SMAD2: variants seen among roughly 807,000 people sequenced by gnomAD.
The protein encoded by SMAD2 is MAD homolog 2.
In SMAD2, 8 loss-of-function variants were observed where a neutral mutation model predicts 64.4. That is an observed-to-expected ratio of 0.12 (90% CI 0.07 to 0.22). The LOEUF (loss-of-function observed/expected upper bound fraction) is 0.22, where lower values mean the gene tolerates loss of function less well. SMAD2 is among the 10% of genes least tolerant of loss of function. The probability of loss-of-function intolerance (pLI) is 1.00; values close to 1 mark genes in which losing one functional copy is unlikely to be tolerated. For synonymous variants in SMAD2, 203 were observed against 195.8 expected (o/e 1.04, Z -0.31); for missense variants, 289 against 561.2 (o/e 0.51, Z 4.90).
At position 47,838,259 on chromosome 18, in the gene SMAD2, G is replaced by A. The variant is rs1477746874; in HGVS notation, c.*3568C>T. 1 of 233,002 alleles carries A rather than the reference G, an allele frequency of 4.3e-6. No homozygotes were observed. Among genetic ancestry groups the A allele is most frequent in the East Asian group, 6.0e-5 (1 of 16,532 alleles). The allele number at this position is 233,002 out of a possible 1,614,324, so 14.4% of individuals were successfully genotyped here. ...AGACAAATCAAGCAAAACTCAATGT[G>A]GCTTAAGGTAAAAAATACAACTAGG... On this transcript the variant is annotated 3_prime_UTR_variant, in exon 11 of 11. Coordinates refer to ENST00000262160, the MANE Select transcript of SMAD2 (RefSeq NM_005901.6).
intron 6 of SMAD2, among the ~76,000 whole-genome samples, chr18:47,864,486 A>G (rs927639178): frequency 1.2e-4 from 19 of 152,208 alleles, no homozygotes; most frequent in Non-Finnish European, 2.6e-4. Context: ...TTACAATGAC[A>G]TCAAAGTGAT....
chr18:47,846,109 G>A (rs1401932600), intron 8 of SMAD2, among the ~76,000 whole-genome samples: 1 of 151,984 alleles, frequency 6.6e-6, no homozygotes, highest in Non-Finnish European at 1.5e-5. Context: ...AAAAGATTGA[G>A]TTAATTTTGA....
At chr18:47,846,984 T>C (rs1160197558) in intron 8 of SMAD2, among the ~76,000 whole-genome samples, 2 of 152,266 alleles carry the variant, frequency 1.3e-5, no homozygotes, top group African/African-American at 2.4e-5. Context: ...ACGTGGTCAT[T>C]GGGAAAACAC....
rs1491111617 is a variant in SMAD2, at chr18:47,850,206, ATT to A, written c.784+1066_784+1067del. Among the ~76,000 whole-genome samples the A allele has an allele frequency of 8.5e-5, 8 of 93,852 alleles. 1 individual carries two copies. The highest frequency in any genetic ancestry group is 3.4e-4 in the African/African-American group (8 of 23,880). The allele number at this position is 93,852 out of a possible 152,430, so 61.6% of individuals were successfully genotyped here. ...TATATATTATATATAGTATATATAT[ATT>A]ATTATATATATGTATAATATATATT... On this transcript the variant is annotated intron_variant, in intron 7 of 10. Transcript: ENST00000262160.
At chr18:47,850,151 C>T (rs1914965420) in intron 7 of SMAD2, among the ~76,000 whole-genome samples, 1 of 119,762 alleles carries the variant, frequency 8.3e-6, no homozygotes, top group South Asian at 2.4e-4. Context: ...TACACATACA[C>T]ATTTGTACAT....
intron 2 of SMAD2, 38 bp from the exon 3 acceptor site, chr18:47,870,602 A>G: frequency 8.1e-7 from 1 of 1,234,106 alleles, no homozygotes; most frequent in South Asian, 1.2e-5. Context: ...TGATGTGAAC[A>G]TGGAAGCATG....
chr18:47,840,335 GT>G lies in SMAD2; in HGVS notation c.*1491del, dbSNP rs939768218. On this transcript the variant is annotated 3_prime_UTR_variant, in exon 11 of 11. Coordinates refer to ENST00000262160, the MANE Select transcript of SMAD2 (RefSeq NM_005901.6). ...TACTAAGATGCAAACAAGAAGAAAT[GT>G]TTAAACTGCAATGAGTCAACATCAG... The G allele has an allele frequency of 1.3e-5, 3 of 232,732 alleles. No individual in the cohort carries two copies. Among genetic ancestry groups the G allele is most frequent in the Admixed American group, 5.6e-5 (1 of 17,776 alleles). 14.4% of individuals were successfully genotyped at this position (232,732 alleles called of 1,614,324 possible).
In SMAD2 at chr18:47,829,674, T is replaced by C. The variant is rs1173218886; in HGVS notation, c.*12153A>G. 1 of 152,202 alleles carries C rather than the reference T, an allele frequency of 6.6e-6. No individual in the cohort carries two copies. Among genetic ancestry groups the C allele is most frequent in the Non-Finnish European group, 1.5e-5 (1 of 68,036 alleles). The allele number at this position is 152,202 out of a possible 1,614,324, so 9.4% of individuals were successfully genotyped here. On this transcript the variant is annotated 3_prime_UTR_variant, in exon 11 of 11. Coordinates refer to ENST00000262160, the MANE Select transcript of SMAD2 (RefSeq NM_005901.6). The stretch of plus-strand genomic sequence containing the variant: ...AACGGGAAGCAGTGCATAGGCAGTA[T>C]GAAGTAGACACTTTGGCAAATAAAA...
rs2033898874 is a variant in SMAD2 at position 47,906,237 on chromosome 18, C to CA, written c.-53-9429dup. ...TTCTTGAGTACCAACATGACACCCC[C>CA]AAAAAAACGGTCATTGTACTATACA... On this transcript the variant is annotated intron_variant, in intron 1 of 10. Transcript: ENST00000262160. Among the ~76,000 whole-genome samples, 5 of 151,756 alleles carry CA rather than the reference C, an allele frequency of 3.3e-5. No individual in the cohort carries two copies. The South Asian group carries it at 1.0e-3, about 32-fold the overall frequency.
rs1211589206 is a variant in SMAD2, at chr18:47,853,282, G to C, written c.731-1955C>G. On this transcript the variant is annotated intron_variant, in intron 6 of 10. Coordinates refer to ENST00000262160, the MANE Select transcript of SMAD2 (RefSeq NM_005901.6). ...CCCTGGTCGTGTAGCAGTGAAAGTG[G>C]TTTGGTTTAGACGTCCGGGAATTGC... The C allele has an allele frequency of 1.8e-5, 4 of 224,122 alleles. 1 individual carries two copies. The highest frequency in any genetic ancestry group is 3.3e-5 in the African/African-American group (1 of 30,334). 13.9% of individuals were successfully genotyped at this position (224,122 alleles called of 1,614,324 possible).
chr18:47,889,143 G>C (rs8083042), intron 2 of SMAD2, among the ~76,000 whole-genome samples: 1,866 of 152,264 alleles, frequency 0.012, 36 homozygotes, highest in African/African-American at 0.043. Flanking sequence ...CAACAGAACT[G>C]TAAGAGACGT....
intron 10 of SMAD2, 68 bp from the exon 11 acceptor site, chr18:47,842,018 T>G: frequency 6.6e-7 from 1 of 1,520,558 alleles, no homozygotes; most frequent in African/African-American, 1.4e-5. Context: ...TGGCTATGTT[T>G]AGGTACACTG....
Position 47,839,743 on chromosome 18 carries a change from A to C in SMAD2, c.*2084T>G, listed in dbSNP as rs1044579627. 1.3e-5 allele frequency: 3 copies of C among 233,198 alleles called. No homozygotes were observed. Among genetic ancestry groups the C allele is most frequent in the Non-Finnish European group, 1.7e-5 (2 of 118,034 alleles). 14.4% of individuals were successfully genotyped at this position (233,198 alleles called of 1,614,324 possible). A position where few individuals can be genotyped will look rare whatever the true frequency, so the allele number is the denominator to read the frequency against. ...GTTTCTGTATAAAGCATTAATACCTAATCAGGAGTTTCCTTTAGTGTGAAC... is the reference window on the plus strand; with the variant it reads ...GTTTCTGTATAAAGCATTAATACCTCATCAGGAGTTTCCTTTAGTGTGAAC... On this transcript the variant is annotated 3_prime_UTR_variant, in exon 11 of 11. Coordinates refer to ENST00000262160, the MANE Select transcript of SMAD2 (RefSeq NM_005901.6).
At position 47,814,515 on chromosome 18, in the gene SMAD2, A is replaced by G. The variant is rs1912305962; in HGVS notation, c.*27312T>C. ...GAGAAGAGTCTCTTCATTAGGCAGGAGTGGAATGACTCCCAGGGCAGGGAG... is the reference window on the plus strand; with the variant it reads ...GAGAAGAGTCTCTTCATTAGGCAGGGGTGGAATGACTCCCAGGGCAGGGAG... On this transcript the variant is annotated 3_prime_UTR_variant, in exon 11 of 11. Transcript: ENST00000262160. 1 of 152,214 alleles carries G rather than the reference A, an allele frequency of 6.6e-6. No homozygotes were observed. The highest frequency in any genetic ancestry group is 2.1e-4 in the South Asian group (1 of 4,830). The allele number at this position is 152,214 out of a possible 1,614,324, so 9.4% of individuals were successfully genotyped here.
At chr18:47,868,985 G>C (rs1210777178) in intron 4 of SMAD2, among the ~76,000 whole-genome samples, 1 of 152,158 alleles carries the variant, frequency 6.6e-6, no homozygotes, top group Non-Finnish European at 1.5e-5. Flanking sequence ...GCATAGCGCT[G>C]AGCAGACTGC....
chr18:47,815,775 G>A lies in SMAD2; in HGVS notation c.*26052C>T, dbSNP rs992856214. The A allele has an allele frequency of 6.6e-6, 1 of 152,142 alleles. No homozygotes were observed. The highest frequency in any genetic ancestry group is 1.5e-5 in the Non-Finnish European group (1 of 68,036). The allele number at this position is 152,142 out of a possible 1,614,324, so 9.4% of individuals were successfully genotyped here. ...TAGCAGGGATAGAAAGTAGTTATGG[G>A]GCTTGCAAGGACATTGTCTTAATTT... On this transcript the variant is annotated 3_prime_UTR_variant, in exon 11 of 11. Coordinates refer to ENST00000262160, the MANE Select transcript of SMAD2 (RefSeq NM_005901.6).
At chr18:47,925,812 C>A (rs2034738746) in intron 1 of SMAD2, among the ~76,000 whole-genome samples, 1 of 150,266 alleles carries the variant, frequency 6.7e-6, no homozygotes, top group Non-Finnish European at 1.5e-5. Context: ...AAGAAGTAAC[C>A]CTGAGGTAAG....
intron 1 of SMAD2, among the ~76,000 whole-genome samples, chr18:47,924,485 G>A (rs1001647113): frequency 1.5e-4 from 23 of 149,068 alleles, no homozygotes; most frequent in Admixed American, 8.7e-4. Context: ...TTTTTGAGAC[G>A]GAGTCTTGCT....
At chr18:47,927,854 G>A (rs867725059) in intron 1 of SMAD2, among the ~76,000 whole-genome samples, 7 of 152,232 alleles carry the variant, frequency 4.6e-5, no homozygotes, top group Non-Finnish European at 7.3e-5. Flanking sequence ...AGCCGAGATC[G>A]TGCCATTGCA....
Sources: allele counts gnomAD v4.1 joint callset (sites outside exome capture counted in the v4.1 genomes callset), GRCh38; gene constraint gnomAD v4.1.1; transcripts MANE v1.5; gene names NCBI Gene and HGNC (gene_info 2026-07-23, HGNC 2026-07-21).